STK32B: variants seen among roughly 807,000 people sequenced by gnomAD.
STK32B encodes the protein serine/threonine kinase 32B, also known as serine/threonine-protein kinase 32B.
In STK32B, 43 loss-of-function variants were observed where a neutral mutation model predicts 52.6. The observed-to-expected ratio is 0.82, with a 90% CI of 0.64 to 1.05. STK32B has a LOEUF of 1.05. STK32B is among the 50% of genes least tolerant of loss of function. The probability of loss-of-function intolerance (pLI) is 0.00; values close to 1 mark genes in which losing one functional copy is unlikely to be tolerated. For synonymous variants in STK32B, 238 were observed against 204.3 expected, an observed-to-expected ratio of 1.17 and a Z score of -1.41; for missense variants, 621 against 534.6, an observed-to-expected ratio of 1.16 and a Z score of -1.59.
intron 4 of STK32B, among the ~76,000 whole-genome samples, chr4:5,336,634 A>C (rs1732715959): frequency 6.6e-6 from 1 of 152,234 alleles, no homozygotes; most frequent in African/African-American, 2.4e-5. Context: ...AAAGAACTCA[A>C]AATATATGCT....
intron 1 of STK32B, among the ~76,000 whole-genome samples, chr4:5,133,012 T>A (rs1038241203): frequency 3.9e-5 from 6 of 152,130 alleles, no homozygotes; most frequent in African/African-American, 1.4e-4. Context: ...TTGGCTAGGC[T>A]GGCTGGAACC....
rs142799268 is a variant in STK32B at position 5,212,152 on chromosome 4, G to A, written c.260+43702G>A. ...AAGCATTTACTGTGTGTCAGGGACC[G>A]CTCTGATGTTTTATACAGGCCATCA... On this transcript the variant is annotated intron_variant, in intron 3 of 11. Coordinates refer to ENST00000282908, the MANE Select transcript of STK32B (RefSeq NM_018401.3). Among the ~76,000 whole-genome samples the A allele has an allele frequency of 1.8e-3, 279 of 152,246 alleles. 1 individual carries two copies. Among genetic ancestry groups the A allele is most frequent in the Admixed American group, 3.0e-3 (46 of 15,298 alleles).
chr4:5,277,564 G>A (rs143534258), intron 3 of STK32B, among the ~76,000 whole-genome samples: 1,929 of 152,026 alleles, frequency 0.013, 18 homozygotes, highest in Middle Eastern at 0.02. Flanking sequence ...TGTAACATGC[G>A]GATAAAATCT....
chr4:5,331,481 T>A, intron 4 of STK32B, 88 bp downstream of exon 4: 5 of 1,419,792 alleles, frequency 3.5e-6, no homozygotes, highest in Non-Finnish European at 4.7e-6. Context: ...GAGAGAATTT[T>A]GTCCTTGACA....
chr4:5,136,448 A>G (rs1716084871), intron 1 of STK32B, among the ~76,000 whole-genome samples: 2 of 152,044 alleles, frequency 1.3e-5, no homozygotes, highest in Non-Finnish European at 2.9e-5. Context: ...CAATCCGATC[A>G]CTCTGCTAGC....
the STK32B span, among the ~76,000 whole-genome samples, chr4:5,043,180 C>T: frequency 8.0e-5 from 12 of 150,568 alleles, no homozygotes; most frequent in Non-Finnish European, 1.3e-4. Context: ...AGTCTTCACT[C>T]AGATACCAGG....
At chr4:5,158,378 C>T (rs1577118540) in intron 2 of STK32B, among the ~76,000 whole-genome samples, 1 of 152,140 alleles carries the variant, frequency 6.6e-6, no homozygotes, top group East Asian at 1.9e-4. Flanking sequence ...TGTGGGTGAG[C>T]AGGGGCATTC....
chr4:5,207,522 G>A (rs1398986914), intron 3 of STK32B, among the ~76,000 whole-genome samples: 2 of 151,990 alleles, frequency 1.3e-5, no homozygotes, highest in African/African-American at 2.4e-5. Flanking sequence ...AGTCCATTAA[G>A]CTTCTTTTTC....
chr4:5,424,543 G>A (rs1712922149), intron 6 of STK32B, among the ~76,000 whole-genome samples: 1 of 152,208 alleles, frequency 6.6e-6, no homozygotes, highest in African/African-American at 2.4e-5. Flanking sequence ...TGCCTGCGGA[G>A]AGGAGCTACC....
At chr4:5,139,792 A>C in intron 1 of STK32B, 113 bp from the exon 2 acceptor site, 1 of 1,210,318 alleles carries the variant, frequency 8.3e-7, no homozygotes, top group Non-Finnish European at 1.2e-6. Flanking sequence ...AGTATAGTGC[A>C]CCTGACCCAA....
chr4:5,319,654 C>T (rs1370268748), intron 3 of STK32B, among the ~76,000 whole-genome samples: 1 of 152,190 alleles, frequency 6.6e-6, no homozygotes, highest in Non-Finnish European at 1.5e-5. Flanking sequence ...GACCATTGTC[C>T]TTGCTCTCTG....
chr4:5,371,024 GTATA>G (rs887409254), intron 4 of STK32B, among the ~76,000 whole-genome samples: 1 of 148,758 alleles, frequency 6.7e-6, no homozygotes, highest in Non-Finnish European at 1.5e-5. Flanking sequence ...ATATATATGT[GTATA>G]TATATGTATA....
intron 3 of STK32B, among the ~76,000 whole-genome samples, chr4:5,180,510 CTGTGATGGGGCCCTGGCCCCTCCCTGCT>C (rs1720271471): frequency 6.6e-6 from 1 of 152,152 alleles, no homozygotes; most frequent in Admixed American, 6.5e-5. Flanking sequence ...ATCACAGCTG[CTGTGATGGGGCCCTGGCCCCTCCCTGCT>C]TGGTACCACA....
intron 1 of STK32B, among the ~76,000 whole-genome samples, chr4:5,115,465 A>T (rs1435628338): frequency 6.6e-6 from 1 of 152,362 alleles, no homozygotes; most frequent in Admixed American, 6.5e-5. Context: ...GGTGGCACAC[A>T]TGAGCATCTG....
intron 11 of STK32B, among the ~76,000 whole-genome samples, chr4:5,492,852 G>C (rs1193794099): frequency 6.6e-6 from 1 of 150,474 alleles, no homozygotes; most frequent in Admixed American, 6.6e-5. Flanking sequence ...TTTTGTCTTT[G>C]GTTCTGTTTA....
intron 3 of STK32B, among the ~76,000 whole-genome samples, chr4:5,249,429 TCC>T (rs1560259135): frequency 6.4e-5 from 6 of 94,226 alleles, no homozygotes; most frequent in South Asian, 3.9e-4. Context: ...TGTTCTTCCT[TCC>T]TTCCTACCTA....
chr4:5,044,998 T>G, the STK32B span, among the ~76,000 whole-genome samples: 142 of 152,354 alleles, frequency 9.3e-4, 1 homozygote, highest in African/African-American at 3.3e-3. Context: ...AATGTGCTGA[T>G]GCCACCAGCA....
intron 6 of STK32B, among the ~76,000 whole-genome samples, chr4:5,433,372 G>A (rs936147084): frequency 2.0e-4 from 31 of 152,298 alleles, no homozygotes; most frequent in Admixed American, 2.6e-4. Context: ...CAGACAGGTT[G>A]AGTTGTGCCC....
chr4:5,500,173 T>C lies in STK32B; in HGVS notation c.*1090T>C, dbSNP rs1406228213. The C allele has an allele frequency of 1.3e-5, 2 of 152,166 alleles. No individual in the cohort carries two copies. The highest frequency in any genetic ancestry group is 1.5e-5 in the Non-Finnish European group (1 of 68,046). The allele number at this position is 152,166 out of a possible 1,614,324, so 9.4% of individuals were successfully genotyped here. ...TGGGATGAGCAGGGAAAGCTTAGAC[T>C]TTGGAGTCAGGTTTGTGTTCAGAAT... On this transcript the variant is annotated 3_prime_UTR_variant, in exon 12 of 12. Coordinates refer to ENST00000282908, the MANE Select transcript of STK32B (RefSeq NM_018401.3).
Sources: gnomAD v4.1 joint callset for allele counts (sites outside exome capture counted in the v4.1 genomes callset) on GRCh38, gnomAD v4.1.1 for gene constraint, MANE v1.5 for transcripts, NCBI Gene and HGNC (gene_info 2026-07-23, HGNC 2026-07-21) for gene names.